Variants in ZNF254 observed in about 807,000 individuals in gnomAD.
ZNF254 encodes the protein zinc finger protein 254.
ZNF254 carries 10 observed loss-of-function variants against 12.4 expected under a neutral mutation model. The ratio of observed to expected loss-of-function variants is 0.80; its 90% CI spans 0.50 to 1.36. The LOEUF (loss-of-function observed/expected upper bound fraction) is 1.36, where lower values mean the gene tolerates loss of function less well. Among genes scored for constraint, ZNF254 ranks in the 40% most tolerant of loss-of-function variants. ZNF254 has a pLI of 0.00. For missense variants in ZNF254, 996 were observed against 763.9 expected, an observed-to-expected ratio of 1.30 and a Z score of -3.58; for synonymous variants, 305 against 253.4, an observed-to-expected ratio of 1.20 and a Z score of -1.93.
intron 3 of ZNF254, among the ~76,000 whole-genome samples, chr19:24,112,807 A>G (rs978656865): frequency 2.6e-5 from 4 of 152,230 alleles, no homozygotes; most frequent in African/African-American, 9.6e-5. Flanking sequence ...AAAAAAACAT[A>G]GAAGAATCAA....
Position 24,109,128 on chromosome 19 carries a change from A to C in ZNF254, c.253+2485A>C, listed in dbSNP as rs147585598. ...CAAAATCATGCCACTTTGCTTCTAA[A>C]CTTGGATTACAGTAGTTTTATTTTG... On this transcript the variant is annotated intron_variant, in intron 3 of 3. Transcript: ENST00000357002. Among the ~76,000 whole-genome samples the C allele has an allele frequency of 7.1e-3, 1,077 of 152,304 alleles. 13 individuals carry two copies. The highest frequency in any genetic ancestry group is 0.025 in the African/African-American group (1,023 of 41,580).
chr19:24,044,514 G>C (rs1445958097), intron 1 of ZNF254, among the ~76,000 whole-genome samples: 1 of 150,610 alleles, frequency 6.6e-6, no homozygotes, highest in Non-Finnish European at 1.5e-5. Flanking sequence ...CCCCAGCCTG[G>C]GTGACAGAGC....
At chr19:24,068,131 C>T (rs1480666019) in intron 2 of ZNF254, among the ~76,000 whole-genome samples, 4 of 152,188 alleles carry the variant, frequency 2.6e-5, no homozygotes, top group South Asian at 2.1e-4. Context: ...ACCTAAGAAA[C>T]GTGGCTCTCC....
chr19:24,043,998 T>G (rs1160667454), intron 1 of ZNF254, among the ~76,000 whole-genome samples: 1 of 151,798 alleles, frequency 6.6e-6, no homozygotes, highest in African/African-American at 2.4e-5. Context: ...CTCAGCCCTT[T>G]GGGAGGGTGA....
rs1443226686 is a variant in ZNF254 at position 24,128,169 on chromosome 19, A to G, written c.*189A>G. On this transcript the variant is annotated 3_prime_UTR_variant, in exon 4 of 4. Coordinates refer to ENST00000357002, the MANE Select transcript of ZNF254 (RefSeq NM_203282.4). ...GAAAAAGCCTTTAAATGATTGTCAC[A>G]CTTGATTGTAGGTAAGATAATTCAT... The G allele has an allele frequency of 1.7e-6, 1 of 578,808 alleles. No individual in the cohort carries two copies. The highest frequency in any genetic ancestry group is 1.9e-5 in the African/African-American group (1 of 51,710). The allele number at this position is 578,808 out of a possible 1,614,324, so 35.9% of individuals were successfully genotyped here.
chr19:24,039,387 G>T (rs1352128277), intron 1 of ZNF254, among the ~76,000 whole-genome samples: 1 of 152,134 alleles, frequency 6.6e-6, no homozygotes, highest in East Asian at 1.9e-4. Flanking sequence ...CTATGTGTGA[G>T]TTGTATTACT....
intron 3 of ZNF254, among the ~76,000 whole-genome samples, chr19:24,115,884 A>G (rs1321395822): frequency 6.6e-6 from 1 of 152,148 alleles, no homozygotes; most frequent in Non-Finnish European, 1.5e-5. Context: ...CTTTTAGGGC[A>G]GGCCTGGTGG....
intron 3 of ZNF254, among the ~76,000 whole-genome samples, chr19:24,115,358 A>C (rs1973975144): frequency 1.3e-5 from 2 of 152,314 alleles, no homozygotes; most frequent in South Asian, 4.1e-4. Flanking sequence ...AATAATGATG[A>C]GTTCATGTCC....
chr19:24,087,381 G>T (rs1972090505), intron 1 of ZNF254, 44 bp downstream of exon 1: 1 of 1,612,198 alleles, frequency 6.2e-7, no homozygotes, highest in African/African-American at 1.3e-5. Flanking sequence ...GAGGGGGCTG[G>T]TTGGAACTGG....
intron 1 of ZNF254, among the ~76,000 whole-genome samples, chr19:24,101,839 A>G (rs546608299): frequency 6.6e-6 from 1 of 152,254 alleles, no homozygotes; most frequent in African/African-American, 2.4e-5. Context: ...AGAGTGGGCA[A>G]TTTTGCTTCT....
intron 3 of ZNF254, among the ~76,000 whole-genome samples, chr19:24,123,469 T>TAGAAAGAAA (rs1974623554): frequency 6.6e-6 from 1 of 152,200 alleles, no homozygotes; most frequent in East Asian, 1.9e-4. Context: ...ACATTCTTTC[T>TAGAAAGAAA]TGTTTTATTT....
intron 2 of ZNF254, among the ~76,000 whole-genome samples, chr19:24,055,846 A>G (rs1970832442): frequency 6.6e-6 from 1 of 152,222 alleles, no homozygotes; most frequent in African/African-American, 2.4e-5. Context: ...CACTGTTGAC[A>G]TTGTAACTCC....
In ZNF254 at chr19:24,129,232, ATATGT is replaced by A. The variant is rs1382488279; in HGVS notation, c.*1256_*1260del. 6.6e-6 allele frequency: 1 copy of A among 151,938 alleles called. No homozygotes were observed. Among genetic ancestry groups the A allele is most frequent in the Non-Finnish European group, 1.5e-5 (1 of 67,896 alleles). 9.4% of individuals were successfully genotyped at this position (151,938 alleles called of 1,614,324 possible). On this transcript the variant is annotated 3_prime_UTR_variant, in exon 4 of 4. Coordinates refer to ENST00000357002, the MANE Select transcript of ZNF254 (RefSeq NM_203282.4). ...AATTTTAGTTAAAATTAAGTTAGTCATATGTTATTTTATTAATTGTACTTCTATGA... is the reference window on the plus strand; with the variant it reads ...AATTTTAGTTAAAATTAAGTTAGTCATATTTTATTAATTGTACTTCTATGA...
At position 24,120,806 on chromosome 19, in the gene ZNF254, G is replaced by A. The variant is rs370316107; in HGVS notation, c.254-5448G>A. On this transcript the variant is annotated intron_variant, in intron 3 of 3. Transcript: ENST00000357002. ...GCCTCCTGAGTACCTGGAACTATACGCGGCTGCCACCATGCCTGGCTAATT... is the reference window on the plus strand; with the variant it reads ...GCCTCCTGAGTACCTGGAACTATACACGGCTGCCACCATGCCTGGCTAATT... Among the ~76,000 whole-genome samples, 3 of 152,124 alleles carry A rather than the reference G, an allele frequency of 2.0e-5. No homozygotes were observed. In the South Asian group the frequency reaches 6.2e-4, roughly 32 times the overall value.
intron 2 of ZNF254, among the ~76,000 whole-genome samples, chr19:24,061,805 TG>T (rs531371563): frequency 4.0e-4 from 61 of 152,278 alleles, no homozygotes; most frequent in African/African-American, 1.2e-3. Flanking sequence ...AATTCCTGGC[TG>T]GGTGTGGCGG....
At chr19:24,090,240 G>C (rs1407833942) in intron 1 of ZNF254, among the ~76,000 whole-genome samples, 1 of 151,818 alleles carries the variant, frequency 6.6e-6, no homozygotes, top group Non-Finnish European at 1.5e-5. Flanking sequence ...CAGTGAGATG[G>C]TGTAAGAACT....
At chr19:24,069,898 C>T (rs1971421163) in intron 2 of ZNF254, among the ~76,000 whole-genome samples, 2 of 152,170 alleles carry the variant, frequency 1.3e-5, no homozygotes, top group African/African-American at 4.8e-5. Context: ...ACACTCCAGC[C>T]TGGGCAGCAG....
chr19:24,115,540 G>A lies in ZNF254; in HGVS notation c.253+8897G>A, dbSNP rs151007823. Among the ~76,000 whole-genome samples the A allele has an allele frequency of 5.0e-3, 739 of 147,542 alleles. 10 individuals are homozygous for A. Among genetic ancestry groups the A allele is most frequent in the African/African-American group, 0.018 (704 of 39,412 alleles). ...GGATTGATGTGGGATGGGGGGATGG[G>A]GGAGGGATAGCATTGGGAGATATAC... On this transcript the variant is annotated intron_variant, in intron 3 of 3. Coordinates refer to ENST00000357002, the MANE Select transcript of ZNF254 (RefSeq NM_203282.4).
At chr19:24,061,657 C>G (rs1360754266) in intron 2 of ZNF254, among the ~76,000 whole-genome samples, 3 of 152,190 alleles carry the variant, frequency 2.0e-5, no homozygotes, top group Admixed American at 2.0e-4. Context: ...TGTCACTCTC[C>G]TGGGTGGTTT....
Sources: gnomAD v4.1 joint callset for allele counts (sites outside exome capture counted in the v4.1 genomes callset) on GRCh38, gnomAD v4.1.1 for gene constraint, MANE v1.5 for transcripts, NCBI Gene and HGNC (gene_info 2026-07-23, HGNC 2026-07-21) for gene names.